VPS54: variants seen among roughly 807,000 people sequenced by gnomAD.
The protein encoded by VPS54 is vacuolar protein sorting-associated protein 54.
VPS54 carries 45 observed loss-of-function variants against 121.5 expected under a neutral mutation model. The observed-to-expected ratio is 0.37, with a 90% CI of 0.29 to 0.47. The LOEUF (loss-of-function observed/expected upper bound fraction) is 0.47. Ranked by LOEUF, VPS54 falls within the 20% of genes least tolerant of loss-of-function variation. VPS54 has a pLI of 0.99. For missense variants in VPS54, 1,090 were observed against 1,131.4 expected (o/e 0.96, Z 0.52); for synonymous variants, 371 against 385.8 (o/e 0.96, Z 0.45).
At chr2:63,920,313 C>T (rs1407651975) in intron 14 of VPS54, 133 bp downstream of exon 14, 1 of 784,374 alleles carries the variant, frequency 1.3e-6, no homozygotes, top group African/African-American at 1.8e-5. Flanking sequence ...TTTAATTCCA[C>T]AATCTGCCTT....
intron 8 of VPS54, 147 bp from the exon 9 acceptor site, chr2:63,947,637 A>T: frequency 1.5e-6 from 1 of 665,060 alleles, no homozygotes; most frequent in East Asian, 4.0e-5. Context: ...AACCCCTCCC[A>T]CAGCAATCTT....
chr2:63,920,183 A>G (rs1432022699), intron 14 of VPS54, among the ~76,000 whole-genome samples, 188 bp from the exon 15 acceptor site: 1 of 152,162 alleles, frequency 6.6e-6, no homozygotes, highest in Non-Finnish European at 1.5e-5. Flanking sequence ...AAAAAGAATG[A>G]TGAAACAATT....
chr2:63,930,681 A>G (rs1052471819), intron 12 of VPS54, among the ~76,000 whole-genome samples: 3 of 152,200 alleles, frequency 2.0e-5, no homozygotes, highest in African/African-American at 7.2e-5. Flanking sequence ...AGGCAAGAGA[A>G]AAAAATAAAG....
chr2:63,931,059 G>C (rs1674172193), intron 12 of VPS54, among the ~76,000 whole-genome samples: 13 of 152,158 alleles, frequency 8.5e-5, no homozygotes, highest in Admixed American at 8.5e-4. Flanking sequence ...TGGATAAGAA[G>C]AATCAATATT....
chr2:63,954,780 GA>G (rs1165456257), intron 7 of VPS54, among the ~76,000 whole-genome samples: 2 of 152,106 alleles, frequency 1.3e-5, no homozygotes, highest in East Asian at 3.9e-4. Context: ...GAATATAGGT[GA>G]AAAAATAACA....
chr2:63,987,079 C>T (rs1677088254), intron 1 of VPS54, among the ~76,000 whole-genome samples: 1 of 152,192 alleles, frequency 6.6e-6, no homozygotes, highest in Admixed American at 6.5e-5. Context: ...TGATGTGATT[C>T]CATTTGTTCA....
At chr2:63,971,193 C>A (rs951749198) in intron 4 of VPS54, among the ~76,000 whole-genome samples, 1 of 152,166 alleles carries the variant, frequency 6.6e-6, no homozygotes, top group African/African-American at 2.4e-5. Context: ...GGCCTAATTC[C>A]CTCTCCATCT....
At chr2:63,973,920 G>A (rs1676401227) in intron 3 of VPS54, among the ~76,000 whole-genome samples, 1 of 152,058 alleles carries the variant, frequency 6.6e-6, no homozygotes, top group Admixed American at 6.6e-5. Flanking sequence ...TTCTCTTAAA[G>A]GTGTCTTTCA....
intron 4 of VPS54, among the ~76,000 whole-genome samples, chr2:63,971,953 T>G (rs1319397994): frequency 6.6e-6 from 1 of 152,184 alleles, no homozygotes; most frequent in Non-Finnish European, 1.5e-5. Context: ...CACGAAGATA[T>G]CCAATCAATA....
At chr2:63,940,642 G>A (rs939282308) in intron 11 of VPS54, among the ~76,000 whole-genome samples, 5 of 152,062 alleles carry the variant, frequency 3.3e-5, no homozygotes, top group Non-Finnish European at 5.9e-5. Flanking sequence ...AATGATGAGT[G>A]AAAAAAATAG....
intron 11 of VPS54, 142 bp downstream of exon 11, chr2:63,942,323 T>C (rs1368361662): frequency 3.4e-5 from 18 of 533,234 alleles, no homozygotes; most frequent in Non-Finnish European, 5.0e-5. Context: ...AAATTTTTAT[T>C]TAAAAACAAG....
At chr2:63,897,473 G>C (rs1410088354) in intron 22 of VPS54, 23 bp downstream of exon 22, 1 of 1,454,678 alleles carries the variant, frequency 6.9e-7, no homozygotes, top group African/African-American at 1.4e-5. Context: ...GGGAGTATAT[G>C]GTGAAAACGT....
At chr2:63,947,045 T>C (rs1437804502) in intron 9 of VPS54, among the ~76,000 whole-genome samples, 1 of 151,846 alleles carries the variant, frequency 6.6e-6, no homozygotes, top group Non-Finnish European at 1.5e-5. Flanking sequence ...AGATTTAACA[T>C]AATGTTAATG....
At chr2:64,014,139 C>T (rs1400881675) in intron 1 of VPS54, among the ~76,000 whole-genome samples, 1 of 152,096 alleles carries the variant, frequency 6.6e-6, no homozygotes, top group Non-Finnish European at 1.5e-5. Flanking sequence ...GGCTTACAAC[C>T]CCTATTTCTT....
At chr2:63,918,440 A>C (rs566810926) in intron 15 of VPS54, among the ~76,000 whole-genome samples, 2 of 151,086 alleles carry the variant, frequency 1.3e-5, no homozygotes, top group East Asian at 3.9e-4. Flanking sequence ...AGACTAGATG[A>C]GTGATAAGTC....
chr2:64,017,059 G>A (rs1262337970), intron 1 of VPS54, among the ~76,000 whole-genome samples: 2 of 125,778 alleles, frequency 1.6e-5, no homozygotes, highest in East Asian at 2.0e-4. Context: ...GTGATGGGCC[G>A]GGGCCGGGGC....
At chr2:63,991,157 T>C (rs1476949522) in intron 1 of VPS54, among the ~76,000 whole-genome samples, 1 of 152,202 alleles carries the variant, frequency 6.6e-6, no homozygotes, top group Non-Finnish European at 1.5e-5. Flanking sequence ...AAGGTGTGTA[T>C]GAGAGCTTGG....
intron 1 of VPS54, among the ~76,000 whole-genome samples, chr2:63,996,226 G>T (rs548765302): frequency 6.6e-6 from 1 of 152,144 alleles, no homozygotes; most frequent in Non-Finnish European, 1.5e-5. Flanking sequence ...ATTTGTTAGT[G>T]CTCCAAATTA....
At chr2:63,897,416 A>G (rs1211983014) in intron 22 of VPS54, 80 bp downstream of exon 22, 4 of 1,026,858 alleles carry the variant, frequency 3.9e-6, no homozygotes, top group Non-Finnish European at 5.7e-6. Flanking sequence ...TACAGCAGAA[A>G]AGGATGGCAC....
Sources: gnomAD v4.1 joint callset for allele counts (sites outside exome capture counted in the v4.1 genomes callset) on GRCh38, gnomAD v4.1.1 for gene constraint, MANE v1.5 for transcripts, NCBI Gene and HGNC (gene_info 2026-07-23, HGNC 2026-07-21) for gene names.